OPHN1: variants seen among roughly 807,000 people sequenced by gnomAD.
OPHN1 encodes the protein oligophrenin 1.
OPHN1 carries 11 observed loss-of-function variants against 60.7 expected under a neutral mutation model. That is an observed-to-expected ratio of 0.18 (90% confidence interval 0.11 to 0.30). The LOEUF (loss-of-function observed/expected upper bound fraction) is 0.30, where lower values mean the gene tolerates loss of function less well. OPHN1 is among the 10% of genes least tolerant of loss of function. OPHN1 has a pLI of 1.00. For missense variants in OPHN1, 449 were observed against 611.0 expected (o/e 0.73, Z 2.80); for synonymous variants, 226 against 222.6 (o/e 1.02, Z -0.14).
In OPHN1 at chrX:68,260,601, T is replaced by A. The variant is rs1195135465; in HGVS notation, c.384+14137A>T. 2.7e-5 allele frequency among the ~76,000 whole-genome samples: 3 copies of A among 111,330 alleles called. No homozygotes were observed. The Admixed American group carries it at 2.9e-4, about 11-fold the overall frequency. Reference sequence around the variant, plus strand: ...GGTCTTGACTTCCACATCTGTAGGATACAAATAATAATAATTGAAAGGACA... The same window carrying A: ...GGTCTTGACTTCCACATCTGTAGGAAACAAATAATAATAATTGAAAGGACA... On this transcript the variant is annotated intron_variant, in intron 5 of 24. Coordinates refer to ENST00000355520, the MANE Select transcript of OPHN1 (RefSeq NM_002547.3).
At chrX:68,063,197 AAAAC>A (rs1261294142) in intron 21 of OPHN1, among the ~76,000 whole-genome samples, 1 of 110,584 alleles carries the variant, frequency 9.0e-6, no homozygotes, top group East Asian at 2.8e-4. Flanking sequence ...CAAATTAAAA[AAAAC>A]AAACAAACAA....
At chrX:68,174,332 G>A (rs747048693) in intron 15 of OPHN1, among the ~76,000 whole-genome samples, 73 of 110,859 alleles carry the variant, frequency 6.6e-4, no homozygotes, top group African/African-American at 2.3e-3. Context: ...GTTTTCAATA[G>A]GAAAATACAG....
chrX:68,193,882 G>T lies in OPHN1; in HGVS notation c.1201+8C>A, dbSNP rs781275585. ...CAGACAATGCCAAGACTATGGTTCA[G>T]ATCTTACCTTTGGTCTCAATAATAT... On this transcript the variant is annotated splice_region_variant and intron_variant, in intron 14 of 24. Transcript: ENST00000355520. 2 of 1,189,530 alleles carry T rather than the reference G, an allele frequency of 1.7e-6. No individual in the cohort carries two copies. The highest frequency in any genetic ancestry group is 3.5e-5 in the African/African-American group (2 of 56,802).
intron 19 of OPHN1, among the ~76,000 whole-genome samples, chrX:68,077,585 T>C (rs1211077690): frequency 8.9e-6 from 1 of 111,947 alleles, no homozygotes; most frequent in African/African-American, 3.2e-5. Context: ...GATGTCATTA[T>C]TCAAAAATAG....
At chrX:68,253,262 G>A (rs1407264958) in intron 5 of OPHN1, among the ~76,000 whole-genome samples, 2 of 111,045 alleles carry the variant, frequency 1.8e-5, no homozygotes, top group Non-Finnish European at 3.8e-5. Context: ...AAACTGTGAT[G>A]CAAAAAGGTG....
chrX:68,423,048 C>T (rs1174664673), intron 2 of OPHN1, among the ~76,000 whole-genome samples: 3 of 104,479 alleles, frequency 2.9e-5, no homozygotes, highest in Non-Finnish European at 5.8e-5. Flanking sequence ...TTTTTTGAGA[C>T]GGAGTCTCGC....
At chrX:68,073,103 T>C in intron 20 of OPHN1, 49 bp downstream of exon 20, 3 of 1,171,160 alleles carry the variant, frequency 2.6e-6, no homozygotes, top group Non-Finnish European at 3.5e-6. Flanking sequence ...CGATATCCTC[T>C]TTGTGTCTAA....
chrX:68,076,533 AAC>A (rs753387816), intron 19 of OPHN1, among the ~76,000 whole-genome samples: 2 of 111,932 alleles, frequency 1.8e-5, no homozygotes, highest in African/African-American at 3.2e-5. Context: ...GATTCCACCA[AAC>A]ATATACAGAA....
At chrX:68,267,058 G>C (rs1440487541) in intron 5 of OPHN1, among the ~76,000 whole-genome samples, 2 of 111,478 alleles carry the variant, frequency 1.8e-5, no homozygotes, top group Non-Finnish European at 3.8e-5. Context: ...AAGAGACTTA[G>C]ACTCCCACAC....
intron 2 of OPHN1, among the ~76,000 whole-genome samples, chrX:68,324,990 G>A (rs1190822138): frequency 9.0e-6 from 1 of 111,656 alleles, no homozygotes; most frequent in Non-Finnish European, 1.9e-5. Context: ...GGTCAAGGCT[G>A]CAGTGAGCTA....
intron 5 of OPHN1, among the ~76,000 whole-genome samples, chrX:68,266,258 A>G (rs2077925935): frequency 9.0e-6 from 1 of 111,565 alleles, no homozygotes; most frequent in South Asian, 3.9e-4. Context: ...GAAGGAAAAA[A>G]TGTTAAGGGC....
chrX:68,230,636 C>G (rs1297547970), intron 6 of OPHN1, among the ~76,000 whole-genome samples: 2 of 108,479 alleles, frequency 1.8e-5, no homozygotes, highest in Non-Finnish European at 3.8e-5. Flanking sequence ...AAGCTGGAAA[C>G]CATCATTCTG....
chrX:68,351,757 C>G (rs181838211), intron 2 of OPHN1, among the ~76,000 whole-genome samples: 1 of 111,259 alleles, frequency 9.0e-6, no homozygotes, highest in Non-Finnish European at 1.9e-5. Flanking sequence ...AGTGCAGTGC[C>G]GCGATCTCGG....
At chrX:68,132,751 A>AG (rs1264084724) in intron 15 of OPHN1, 1 of 134,722 alleles carries the variant, frequency 7.4e-6, no homozygotes, top group African/African-American at 3.3e-5. Flanking sequence ...AAAAAAAAAA[A>AG]AAAAGAAAAA....
At chrX:68,105,437 G>T (rs2077077224) in intron 18 of OPHN1, among the ~76,000 whole-genome samples, 1 of 110,842 alleles carries the variant, frequency 9.0e-6, no homozygotes, top group East Asian at 2.8e-4. Flanking sequence ...ACTGGATAAA[G>T]AAAATGTGGC....
chrX:68,055,956 G>A (rs1049887380), intron 21 of OPHN1, among the ~76,000 whole-genome samples: 9 of 110,928 alleles, frequency 8.1e-5, no homozygotes, highest in African/African-American at 2.6e-4. Flanking sequence ...CCTGTCATGG[G>A]GTGGGAGGAG....
intron 6 of OPHN1, among the ~76,000 whole-genome samples, chrX:68,233,862 T>TA (rs779706452): frequency 2.4e-4 from 27 of 110,973 alleles, no homozygotes; most frequent in African/African-American, 4.6e-4. Context: ...TTAAAGTATG[T>TA]AAAAAAAATC....
chrX:68,359,788 G>A (rs1385472645), intron 2 of OPHN1, among the ~76,000 whole-genome samples: 1 of 104,944 alleles, frequency 9.5e-6, no homozygotes, highest in African/African-American at 3.5e-5. Flanking sequence ...CCCGGGAGGC[G>A]GAGCTTGCAG....
At chrX:68,299,469 C>T (rs1460392289) in intron 2 of OPHN1, among the ~76,000 whole-genome samples, 2 of 111,727 alleles carry the variant, frequency 1.8e-5, no homozygotes, top group Non-Finnish European at 3.8e-5. Flanking sequence ...ACACTAGATG[C>T]TTTCCATTTT....
Sources: gnomAD v4.1 joint callset for allele counts (sites outside exome capture counted in the v4.1 genomes callset) on GRCh38, gnomAD v4.1.1 for gene constraint, MANE v1.5 for transcripts, NCBI Gene and HGNC (gene_info 2026-07-23, HGNC 2026-07-21) for gene names.